The following DPP6 variants were observed in gnomAD, a reference collection of about 807,000 sequenced individuals.
DPP6 encodes A-type potassium channel modulatory protein DPP6.
A neutral mutation model predicts 122.6 loss-of-function variants in DPP6; 69 were observed. The ratio of observed to expected loss-of-function variants is 0.56; its 90% CI spans 0.46 to 0.69. The LOEUF (loss-of-function observed/expected upper bound fraction) is 0.69, where lower values mean the gene tolerates loss of function less well. Among genes scored for constraint, DPP6 ranks in the 30% least tolerant of loss-of-function variants. The pLI is 0.00. For missense variants in DPP6, 928 were observed against 1,116.9 expected, an observed-to-expected ratio of 0.83 and a Z score of 2.41; for synonymous variants, 418 against 433.1, an observed-to-expected ratio of 0.97 and a Z score of 0.43.
chr7:154,165,692 T>A (rs544859663), intron 1 of DPP6, among the ~76,000 whole-genome samples: 1 of 152,134 alleles, frequency 6.6e-6, no homozygotes, highest in Non-Finnish European at 1.5e-5. Context: ...TTTTAATGAC[T>A]GCCATTCTAA....
At chr7:153,936,700 A>G (rs1049323567) in intron 1 of DPP6, among the ~76,000 whole-genome samples, 8 of 151,814 alleles carry the variant, frequency 5.3e-5, no homozygotes, top group South Asian at 2.1e-4. Flanking sequence ...GGTCCCAGCT[A>G]CTCGGGAGGC....
At chr7:154,193,363 TATACTC>T (rs140727199) in intron 1 of DPP6, among the ~76,000 whole-genome samples, 5 of 152,370 alleles carry the variant, frequency 3.3e-5, no homozygotes, top group Non-Finnish European at 7.3e-5. Flanking sequence ...CAGATGATCT[TATACTC>T]ATATTTTTGA....
intron 1 of DPP6, among the ~76,000 whole-genome samples, chr7:154,209,929 A>G (rs1030292121): frequency 2.0e-5 from 3 of 152,170 alleles, no homozygotes; most frequent in African/African-American, 7.2e-5. Context: ...GTTAGACCCC[A>G]GTGTTCATGT....
chr7:154,023,357 C>CACACACACACACACACACACACACAT (rs1563109429), intron 1 of DPP6, among the ~76,000 whole-genome samples: 73 of 151,056 alleles, frequency 4.8e-4, no homozygotes, highest in African/African-American at 1.7e-3. Flanking sequence ...CACACACACA[C>CACACACACACACACACACACACACAT]ACACTTCTTA....
Position 153,917,167 on chromosome 7 carries a change from A to G in DPP6, c.51+29433A>G, listed in dbSNP as rs144486553. Among the ~76,000 whole-genome samples, 73 of 152,348 alleles carry G rather than the reference A, an allele frequency of 4.8e-4. No homozygotes were observed. The East Asian group carries it at 0.014, about 29-fold the overall frequency. ...TGTGCTTTAAGTAGCAAGTTCTTAT[A>G]GGGTCTACAGTGTGATGAACCAGAC... On this transcript the variant is annotated intron_variant, in intron 1 of 25. Transcript: ENST00000404039.
rs187873472 is a variant in DPP6 at position 154,073,117 on chromosome 7, T to A, written c.243+20054T>A. Among the ~76,000 whole-genome samples, 359 of 152,306 alleles carry A rather than the reference T, an allele frequency of 2.4e-3. 2 individuals are homozygous for A. Among genetic ancestry groups the A allele is most frequent in the African/African-American group, 8.3e-3 (345 of 41,570 alleles). Reference sequence around the variant, plus strand: ...CACCTCAGCCTCATGTCCTCTGTGGTCCCTTAATTGCCCAAAAGAAAGAAT... The same window carrying A: ...CACCTCAGCCTCATGTCCTCTGTGGACCCTTAATTGCCCAAAAGAAAGAAT... On this transcript the variant is annotated intron_variant, in intron 1 of 25. Coordinates refer to ENST00000377770, the MANE Select transcript of DPP6 (RefSeq NM_130797.4).
intron 1 of DPP6, among the ~76,000 whole-genome samples, chr7:153,890,189 A>C (rs546313620): frequency 6.6e-6 from 1 of 152,270 alleles, no homozygotes; most frequent in South Asian, 2.1e-4. Context: ...TCTACTTTGC[A>C]GTAACAGTGA....
At chr7:153,921,585 A>G (rs1057220295) in intron 1 of DPP6, among the ~76,000 whole-genome samples, 1 of 152,240 alleles carries the variant, frequency 6.6e-6, no homozygotes, top group South Asian at 2.1e-4. Flanking sequence ...GGCCAGCCAC[A>G]GTGCCACTGT....
intron 1 of DPP6, among the ~76,000 whole-genome samples, chr7:154,418,454 G>T (rs552160962): frequency 2.6e-5 from 4 of 152,302 alleles, no homozygotes; most frequent in African/African-American, 9.6e-5. Context: ...GAATGCAAGC[G>T]TTTCTTGAGT....
At chr7:154,164,142 T>G (rs1797117573) in intron 1 of DPP6, among the ~76,000 whole-genome samples, 1 of 152,034 alleles carries the variant, frequency 6.6e-6, no homozygotes, top group African/African-American at 2.4e-5. Context: ...CTTCTCAGAA[T>G]AGGTGCCTGG....
chr7:153,965,537 G>A (rs559644233), intron 1 of DPP6, among the ~76,000 whole-genome samples: 1 of 151,904 alleles, frequency 6.6e-6, no homozygotes, highest in African/African-American at 2.4e-5. Context: ...TTTTGAGATG[G>A]AGTCTCGCTG....
At chr7:154,224,726 G>T (rs1406366137) in intron 1 of DPP6, among the ~76,000 whole-genome samples, 2 of 149,294 alleles carry the variant, frequency 1.3e-5, no homozygotes, top group Non-Finnish European at 2.9e-5. Flanking sequence ...CCAATACTAG[G>T]CAATTGCACA....
At chr7:153,808,696 A>G in the DPP6 span, among the ~76,000 whole-genome samples, 2 of 152,024 alleles carry the variant, frequency 1.3e-5, no homozygotes, top group Admixed American at 6.5e-5. Context: ...TTCACTTGGT[A>G]TAATGTTCGT....
At chr7:154,842,753 A>G (rs1801650527) in intron 16 of DPP6, among the ~76,000 whole-genome samples, 1 of 152,226 alleles carries the variant, frequency 6.6e-6, no homozygotes, top group South Asian at 2.1e-4. Flanking sequence ...GTCACCAACC[A>G]AAGTTTTTAA....
intron 5 of DPP6, among the ~76,000 whole-genome samples, chr7:154,571,199 A>T (rs1207134557): frequency 1.3e-5 from 2 of 152,174 alleles, no homozygotes; most frequent in Non-Finnish European, 2.9e-5. Context: ...ATAAAGAAAA[A>T]TTGCCTTAAA....
intron 5 of DPP6, among the ~76,000 whole-genome samples, chr7:154,571,061 T>C (rs901178088): frequency 6.6e-6 from 1 of 152,244 alleles, no homozygotes; most frequent in Non-Finnish European, 1.5e-5. Flanking sequence ...AGTTTTATTT[T>C]ATTTTATACA....
At chr7:154,320,538 C>T (rs1353541012) in intron 1 of DPP6, among the ~76,000 whole-genome samples, 3 of 152,026 alleles carry the variant, frequency 2.0e-5, no homozygotes, top group Admixed American at 6.6e-5. Context: ...GGTCGGAGTG[C>T]AGCAGTGCGA....
intron 1 of DPP6, among the ~76,000 whole-genome samples, chr7:154,357,622 A>G (rs1294911787): frequency 6.6e-6 from 1 of 152,180 alleles, no homozygotes; most frequent in Admixed American, 6.5e-5. Flanking sequence ...TGTGGGAGGT[A>G]TTGGAGTCAC....
chr7:153,773,978 T>C, the DPP6 span, among the ~76,000 whole-genome samples: 1 of 149,386 alleles, frequency 6.7e-6, no homozygotes, highest in African/African-American at 2.5e-5. Context: ...CAAGAGAAAA[T>C]AAAAGACATA....
Sources: gnomAD v4.1 joint callset for allele counts (sites outside exome capture counted in the v4.1 genomes callset) on GRCh38, gnomAD v4.1.1 for gene constraint, MANE v1.5 for transcripts, NCBI Gene and HGNC (gene_info 2026-07-23, HGNC 2026-07-21) for gene names.